Variants in PTPRE observed in about 807,000 individuals in gnomAD.
PTPRE encodes protein tyrosine phosphatase receptor type E.
PTPRE carries 51 observed loss-of-function variants against 102.0 expected under a neutral mutation model. That is an observed-to-expected ratio of 0.50 (90% CI 0.40 to 0.63). The LOEUF (loss-of-function observed/expected upper bound fraction) is 0.63, where lower values mean the gene tolerates loss of function less well. PTPRE is among the 30% of genes least tolerant of loss of function. The pLI is 0.00. For missense variants in PTPRE, 752 were observed against 915.1 expected (o/e 0.82, Z 2.30); for synonymous variants, 345 against 348.2 (o/e 0.99, Z 0.10).
chr10:128,072,129 G>A lies in PTPRE; in HGVS notation c.1388-9G>A. On this transcript the variant is annotated splice_polypyrimidine_tract_variant and intron_variant, in intron 15 of 20. Coordinates refer to ENST00000254667, the MANE Select transcript of PTPRE (RefSeq NM_006504.6). ...TTTGTAATAACTAAAGGAAGATAAT[G>A]CTTTGCAGATGACTTCAACCGAGTG... 1 of 1,612,650 alleles carries A rather than the reference G, an allele frequency of 6.2e-7. No homozygotes were observed. Among genetic ancestry groups the A allele is most frequent in the Non-Finnish European group, 8.5e-7 (1 of 1,178,982 alleles).
At chr10:128,049,937 CT>C (rs1175428200) in intron 6 of PTPRE, among the ~76,000 whole-genome samples, 3 of 152,190 alleles carry the variant, frequency 2.0e-5, no homozygotes, top group African/African-American at 7.2e-5. Context: ...CTAAAATCAA[CT>C]GTGGCAGAAA....
rs1262559190 is a variant in PTPRE, at chr10:128,085,078, A to G, written c.*2172A>G. The G allele has an allele frequency of 2.2e-6, 1 of 456,146 alleles. No homozygotes were observed. Among genetic ancestry groups the G allele is most frequent in the Non-Finnish European group, 4.4e-6 (1 of 226,894 alleles). 28.3% of individuals were successfully genotyped at this position (456,146 alleles called of 1,614,324 possible). ...CCAAACTTTTTCCATTCCAGGAACAAAGGAGAAGCCACTTTCCCCAGGACG... is the reference window on the plus strand; with the variant it reads ...CCAAACTTTTTCCATTCCAGGAACAGAGGAGAAGCCACTTTCCCCAGGACG... On this transcript the variant is annotated 3_prime_UTR_variant, in exon 21 of 21. Transcript: ENST00000254667.
At chr10:128,073,191 G>T in intron 16 of PTPRE, 146 bp from the exon 17 acceptor site, 1 of 1,095,442 alleles carries the variant, frequency 9.1e-7, no homozygotes, top group Non-Finnish European at 1.3e-6. Context: ...GTGCCTGAGT[G>T]CTCGTGCCAA....
intron 2 of PTPRE, among the ~76,000 whole-genome samples, chr10:128,040,168 C>T (rs369177822): frequency 1.4e-4 from 22 of 152,160 alleles, no homozygotes; most frequent in African/African-American, 5.1e-4. Flanking sequence ...CTCCACTTCA[C>T]CTGAGAGTTT....
chr10:128,011,829 G>A (rs1845040983), intron 2 of PTPRE, among the ~76,000 whole-genome samples: 1 of 152,194 alleles, frequency 6.6e-6, no homozygotes, highest in Non-Finnish European at 1.5e-5. Context: ...ACAGGCGGTG[G>A]CCTAAACACC....
rs764307232 is a variant in PTPRE at position 128,072,222 on chromosome 10, T to C, written c.1464+8T>C. ...AACGCATCCTTCATAGACGTACGTA[T>C]GCTGGCCTGGGTTGTGTTTATGCAG... On this transcript the variant is annotated splice_region_variant and intron_variant, in intron 16 of 20. Coordinates refer to ENST00000254667, the MANE Select transcript of PTPRE (RefSeq NM_006504.6). 2 of 1,611,542 alleles carry C rather than the reference T, an allele frequency of 1.2e-6. No homozygotes were observed. Among genetic ancestry groups the C allele is most frequent in the Admixed American group, 3.3e-5 (2 of 59,864 alleles).
chr10:128,025,989 A>G (rs555368923), intron 2 of PTPRE, among the ~76,000 whole-genome samples: 4 of 152,164 alleles, frequency 2.6e-5, no homozygotes, highest in Non-Finnish European at 4.4e-5. Context: ...CAGAAGTACA[A>G]TCTCCCAGGG....
intron 6 of PTPRE, among the ~76,000 whole-genome samples, chr10:128,055,713 C>T (rs937430219): frequency 2.6e-5 from 4 of 152,328 alleles, no homozygotes; most frequent in South Asian, 2.1e-4. Flanking sequence ...GTAAACCCTC[C>T]GCATGCCTGT....
At chr10:127,967,517 TC>T (rs1377208039) in intron 1 of PTPRE, among the ~76,000 whole-genome samples, 1 of 152,222 alleles carries the variant, frequency 6.6e-6, no homozygotes, top group Non-Finnish European at 1.5e-5. Context: ...CTTTTGCTCC[TC>T]CTTCACCTTC....
chr10:128,042,580 G>A (rs530942566), intron 3 of PTPRE, among the ~76,000 whole-genome samples: 51 of 152,268 alleles, frequency 3.3e-4, no homozygotes, highest in Admixed American at 6.5e-4. Context: ...GTTATAAGGC[G>A]CAGACGGGCT....
rs143897945 is a variant in PTPRE, at chr10:127,911,796, C to T, written c.-31+4487C>T. Among the ~76,000 whole-genome samples, 35 of 152,226 alleles carry T rather than the reference C, an allele frequency of 2.3e-4. 1 individual carries two copies. In the East Asian group the frequency reaches 6.6e-3, roughly 29 times the overall value. ...AGGAGAGGCCCGTGGGTACATGTAG[C>T]GTGCTGCCAATTTTAGGTACTGGCC... is the stretch of plus-strand genomic sequence containing the variant. On this transcript the variant is annotated intron_variant, in intron 1 of 20. Coordinates refer to ENST00000254667, the MANE Select transcript of PTPRE (RefSeq NM_006504.6).
At chr10:127,987,337 G>A (rs1386281709) in intron 2 of PTPRE, 3 of 1,275,158 alleles carry the variant, frequency 2.4e-6, no homozygotes, top group Non-Finnish European at 3.1e-6. Flanking sequence ...AGCTGTCAGG[G>A]AAACATGGAT....
intron 6 of PTPRE, 90 bp downstream of exon 6, chr10:128,049,756 C>A: frequency 1.3e-6 from 2 of 1,559,246 alleles, no homozygotes; most frequent in Non-Finnish European, 1.7e-6. Flanking sequence ...ATCCCAAAGA[C>A]TCAGAACCCT....
chr10:128,030,647 T>C (rs1177857282), intron 2 of PTPRE, among the ~76,000 whole-genome samples: 2 of 152,044 alleles, frequency 1.3e-5, no homozygotes, highest in African/African-American at 4.8e-5. Flanking sequence ...TGCATGAGAG[T>C]TGGCCTCTGC....
chr10:128,076,285 C>T (rs1353174924), intron 17 of PTPRE, among the ~76,000 whole-genome samples: 1 of 152,184 alleles, frequency 6.6e-6, no homozygotes, highest in African/African-American at 2.4e-5. Flanking sequence ...CTCACATCAA[C>T]CCTGGTAGGG....
In PTPRE at chr10:127,944,676, A is replaced by G. The variant is rs117331700; in HGVS notation, c.-31+37367A>G. On this transcript the variant is annotated intron_variant, in intron 1 of 20. Coordinates refer to ENST00000254667, the MANE Select transcript of PTPRE (RefSeq NM_006504.6). This position sits in a 1 kb window ranked among gnomAD's most constrained non-coding sequence, Gnocchi z 4.2. ...AGAAGGTCATTTGAGGAGATTGAGC[A>G]GGAGAGTGACAAATGGAACTGTGTA... Among the ~76,000 whole-genome samples the G allele has an allele frequency of 5.8e-4, 89 of 152,336 alleles. No homozygotes were observed. The East Asian group carries it at 0.014, about 25-fold the overall frequency.
chr10:128,069,866 A>G (rs1489857218), intron 13 of PTPRE, 39 bp downstream of exon 13: 9 of 1,613,634 alleles, frequency 5.6e-6, no homozygotes, highest in Non-Finnish European at 7.6e-6. Flanking sequence ...CTAGCTTCCC[A>G]AAGCAAACCC....
At chr10:128,012,858 G>A (rs552543885) in intron 2 of PTPRE, among the ~76,000 whole-genome samples, 134 of 152,268 alleles carry the variant, frequency 8.8e-4, no homozygotes, top group Non-Finnish European at 1.6e-3. Context: ...CAAGGTTGTC[G>A]AATCTGGTTA....
At chr10:127,980,103 T>A (rs1851490131) in intron 1 of PTPRE, among the ~76,000 whole-genome samples, 2 of 152,176 alleles carry the variant, frequency 1.3e-5, no homozygotes, top group Non-Finnish European at 2.9e-5. Flanking sequence ...TTCCCCTATC[T>A]GCAGTGATCC....
Sources: gnomAD v4.1 joint callset for allele counts (sites outside exome capture counted in the v4.1 genomes callset) on GRCh38, gnomAD v4.1.1 for gene constraint, Gnocchi (gnomAD v3.1) non-coding constraint, MANE v1.5 for transcripts, NCBI Gene and HGNC (gene_info 2026-07-23, HGNC 2026-07-21) for gene names.